GADL1: variants seen among roughly 807,000 people sequenced by gnomAD.
The protein encoded by GADL1 is GAD like acidic amino acid decarboxylase 1.
A neutral mutation model predicts 69.5 loss-of-function variants in GADL1; 71 were observed. That is an observed-to-expected ratio of 1.02 (90% CI 0.84 to 1.25). The LOEUF is 1.25. Among genes scored for constraint, GADL1 ranks in the 50% most tolerant of loss-of-function variants. GADL1 has a pLI of 0.00. For synonymous variants in GADL1, 254 were observed against 214.4 expected, an observed-to-expected ratio of 1.18 and a Z score of -1.62; for missense variants, 737 against 631.8, an observed-to-expected ratio of 1.17 and a Z score of -1.79.
intron 1 of GADL1, among the ~76,000 whole-genome samples, chr3:30,885,800 T>C (rs1446800752): frequency 6.6e-6 from 1 of 151,880 alleles, no homozygotes. Flanking sequence ...AGAGGTGAGA[T>C]CTCACCATGC....
intron 11 of GADL1, among the ~76,000 whole-genome samples, chr3:30,830,524 A>C (rs576888348): frequency 6.6e-6 from 1 of 151,930 alleles, no homozygotes; most frequent in African/African-American, 2.4e-5. Context: ...TCTTCCCACC[A>C]TCTCCCTGGC....
chr3:30,881,371 G>A (rs1378569890), intron 1 of GADL1, among the ~76,000 whole-genome samples: 1 of 151,780 alleles, frequency 6.6e-6, no homozygotes, highest in Non-Finnish European at 1.5e-5. Context: ...CATTTTCAGA[G>A]GCAACCTAAA....
At chr3:30,785,394 T>TC (rs1228135699) in intron 13 of GADL1, among the ~76,000 whole-genome samples, 16 of 149,694 alleles carry the variant, frequency 1.1e-4, no homozygotes, top group South Asian at 6.9e-4. Context: ...TTTTTTTTTT[T>TC]TCCCCCCGAG....
intron 11 of GADL1, among the ~76,000 whole-genome samples, chr3:30,805,546 T>C (rs1697234522): frequency 6.6e-6 from 1 of 152,148 alleles, no homozygotes; most frequent in African/African-American, 2.4e-5. Flanking sequence ...CTTGTGAATC[T>C]GGTAACATTA....
chr3:30,755,597 G>A (rs2125481310), intron 14 of GADL1, among the ~76,000 whole-genome samples: 1 of 152,278 alleles, frequency 6.6e-6, no homozygotes, highest in South Asian at 2.1e-4. Context: ...GTGTGTGTGT[G>A]TGACAGTTGT....
Position 30,726,805 on chromosome 3 carries a change from G to A in GADL1, c.*1437C>T, listed in dbSNP as rs1198972302. ...ACCTATGAATTCTGTCAATTTCTTAGTTAAACAAAACTCTCCTAGAAACCT... is the reference window on the plus strand; with the variant it reads ...ACCTATGAATTCTGTCAATTTCTTAATTAAACAAAACTCTCCTAGAAACCT... On this transcript the variant is annotated 3_prime_UTR_variant, in exon 15 of 15. Transcript: ENST00000282538. 2.6e-5 allele frequency: 4 copies of A among 152,158 alleles called. No homozygotes were observed. The highest frequency in any genetic ancestry group is 9.7e-5 in the African/African-American group (4 of 41,374). The allele number at this position is 152,158 out of a possible 1,614,324, so 9.4% of individuals were successfully genotyped here. A position where few individuals can be genotyped will look rare whatever the true frequency, so the allele number is the denominator to read the frequency against.
intron 14 of GADL1, among the ~76,000 whole-genome samples, chr3:30,775,067 G>A (rs1169400090): frequency 1.3e-5 from 2 of 152,324 alleles, no homozygotes; most frequent in Non-Finnish European, 2.9e-5. Context: ...TCTTGAAAAA[G>A]TGAAGTCGTT....
chr3:30,729,577 C>T (rs1165657341), intron 14 of GADL1, among the ~76,000 whole-genome samples: 3 of 152,118 alleles, frequency 2.0e-5, no homozygotes, highest in African/African-American at 4.8e-5. Flanking sequence ...CTCCCTCTCT[C>T]GTAATGTGAT....
rs773530741 is a variant in GADL1 at position 30,816,530 on chromosome 3, CTTTTTTTTTTTTT to C, written c.1051-15455_1051-15443del. 0.01 allele frequency among the ~76,000 whole-genome samples: 541 copies of C among 53,926 alleles called. 16 individuals carry two copies. The East Asian group carries it at 0.21, about 21-fold the overall frequency. 35.4% of individuals were successfully genotyped at this position (53,926 alleles called of 152,430 possible). A position where few individuals can be genotyped will look rare whatever the true frequency, so the allele number is the denominator to read the frequency against. ...AGACCATATATTCTTAATTTGTTTTCTTTTTTTTTTTTTTTTTTTTTTTTTTTTTTTTTTTTGA... is the reference window on the plus strand; with the variant it reads ...AGACCATATATTCTTAATTTGTTTTCTTTTTTTTTTTTTTTTTTTTTTTGA... On this transcript the variant is annotated intron_variant, in intron 11 of 14. Coordinates refer to ENST00000282538, the MANE Select transcript of GADL1 (RefSeq NM_207359.3).
chr3:30,755,992 T>C (rs1695961215), intron 14 of GADL1, among the ~76,000 whole-genome samples: 1 of 152,080 alleles, frequency 6.6e-6, no homozygotes, highest in South Asian at 2.1e-4. Context: ...TGCTTGATAG[T>C]TCACACAGTC....
intron 14 of GADL1, among the ~76,000 whole-genome samples, chr3:30,758,517 G>A (rs1575188269): frequency 6.7e-6 from 1 of 150,210 alleles, no homozygotes; most frequent in Non-Finnish European, 1.5e-5. Context: ...ACATGAGATG[G>A]TAACTACCTC....
chr3:30,820,729 G>A (rs564644757), intron 11 of GADL1, among the ~76,000 whole-genome samples: 3 of 152,146 alleles, frequency 2.0e-5, no homozygotes, highest in Non-Finnish European at 4.4e-5. Context: ...TGGTGGGACT[G>A]TAAACTAGTT....
intron 11 of GADL1, among the ~76,000 whole-genome samples, chr3:30,832,013 C>A (rs1369066463): frequency 6.6e-6 from 1 of 151,902 alleles, no homozygotes; most frequent in East Asian, 1.9e-4. Context: ...TAGACTCGCA[C>A]AGTGTCAAGC....
At chr3:30,744,986 T>C (rs1380855116) in intron 14 of GADL1, among the ~76,000 whole-genome samples, 1 of 152,240 alleles carries the variant, frequency 6.6e-6, no homozygotes, top group Non-Finnish European at 1.5e-5. Flanking sequence ...CAACTATGTT[T>C]ATATGGTTTT....
intron 14 of GADL1, among the ~76,000 whole-genome samples, chr3:30,763,534 G>A (rs1575191433): frequency 6.7e-6 from 1 of 150,162 alleles, no homozygotes; most frequent in African/African-American, 2.5e-5. Context: ...GGGGAATATT[G>A]TAAGTCAAAA....
chr3:30,732,010 T>C (rs1279468993), intron 14 of GADL1, among the ~76,000 whole-genome samples: 1 of 152,208 alleles, frequency 6.6e-6, no homozygotes, highest in East Asian at 1.9e-4. Context: ...TAAAGCTTAT[T>C]TGAAAGGAAT....
At chr3:30,794,356 G>A (rs1172972514) in intron 12 of GADL1, among the ~76,000 whole-genome samples, 1 of 152,072 alleles carries the variant, frequency 6.6e-6, no homozygotes, top group Non-Finnish European at 1.5e-5. Context: ...ATCCCTTAGT[G>A]GATATCCATT....
At chr3:30,745,700 A>G in intron 14 of GADL1, among the ~76,000 whole-genome samples, 1 of 152,158 alleles carries the variant, frequency 6.6e-6, no homozygotes, top group East Asian at 1.9e-4. Flanking sequence ...CTCATGGCCA[A>G]TATTCATCAT....
intron 3 of GADL1, among the ~76,000 whole-genome samples, chr3:30,856,727 A>G (rs899933688): frequency 6.6e-6 from 1 of 152,060 alleles, no homozygotes; most frequent in Non-Finnish European, 1.5e-5. Context: ...GATAAGTAGC[A>G]GTGATAATAT....
Sources: allele counts gnomAD v4.1 joint callset (sites outside exome capture counted in the v4.1 genomes callset), GRCh38; gene constraint gnomAD v4.1.1; transcripts MANE v1.5; gene names NCBI Gene and HGNC (gene_info 2026-07-23, HGNC 2026-07-21).